Variants in TIAM2 observed in about 807,000 individuals in gnomAD.
TIAM2 encodes the protein TIAM Rac1 associated GEF 2.
In TIAM2, 80 loss-of-function variants were observed where a neutral mutation model predicts 152.9. The ratio of observed to expected loss-of-function variants is 0.52; its 90% CI spans 0.44 to 0.63. TIAM2 has a LOEUF of 0.63. TIAM2 is among the 30% of genes least tolerant of loss of function. The pLI is 0.00. For missense variants in TIAM2, 1,965 were observed against 2,120.1 expected (o/e 0.93, Z 1.44); for synonymous variants, 804 against 838.0 (o/e 0.96, Z 0.70).
At chr6:155,145,963 T>C (rs186272793) in intron 6 of TIAM2, among the ~76,000 whole-genome samples, 21 of 152,308 alleles carry the variant, frequency 1.4e-4, no homozygotes. Flanking sequence ...AAGTAATGAA[T>C]TTATGTTAGT....
At chr6:155,026,444 C>G (rs977488812) in intron 1 of TIAM2, among the ~76,000 whole-genome samples, 1 of 152,148 alleles carries the variant, frequency 6.6e-6, no homozygotes, top group African/African-American at 2.4e-5. Context: ...TAGACTGTTT[C>G]AACGCTAAGC....
At chr6:155,137,636 G>A (rs2115049458) in intron 5 of TIAM2, 24 bp downstream of exon 5, 1 of 1,528,928 alleles carries the variant, frequency 6.5e-7, no homozygotes, top group Non-Finnish European at 8.7e-7. Flanking sequence ...CACCTGCTGA[G>A]GCCACTGGGG....
At chr6:155,191,062 A>G (rs902967063) in intron 14 of TIAM2, among the ~76,000 whole-genome samples, 2 of 152,226 alleles carry the variant, frequency 1.3e-5, no homozygotes, top group Non-Finnish European at 2.9e-5. Context: ...CTGTATTGTG[A>G]CACTATCTTC....
intron 15 of TIAM2, among the ~76,000 whole-genome samples, chr6:155,216,384 AAAG>A (rs2115228136): frequency 6.6e-6 from 1 of 152,362 alleles, no homozygotes; most frequent in African/African-American, 2.4e-5. Context: ...ACATTAGAAT[AAAG>A]AATAATTTCC....
intron 5 of TIAM2, among the ~76,000 whole-genome samples, chr6:155,141,036 T>A (rs913738653): frequency 6.6e-6 from 1 of 152,200 alleles, no homozygotes; most frequent in South Asian, 2.1e-4. Context: ...AACTTCTGGC[T>A]ACCAACTTCA....
Position 155,040,643 on chromosome 6 carries a change from C to T in TIAM2, c.-209+45151C>T, listed in dbSNP as rs528285411. Among the ~76,000 whole-genome samples the T allele has an allele frequency of 2.4e-3, 365 of 152,140 alleles. 3 individuals are homozygous for T. The highest frequency in any genetic ancestry group is 8.3e-3 in the African/African-American group (346 of 41,484). ...ATGTGATTCTCGTGCCTCAGCCTCCCGGGTAGCTGGGACTACAGGTATGCG... is the reference window on the plus strand; with the variant it reads ...ATGTGATTCTCGTGCCTCAGCCTCCTGGGTAGCTGGGACTACAGGTATGCG... On this transcript the variant is annotated intron_variant, in intron 1 of 26. Coordinates refer to ENST00000682666, the MANE Select transcript of TIAM2 (RefSeq NM_012454.4).
Position 155,118,429 on chromosome 6 carries a change from CTTTTTCTTTTTT to C in TIAM2, c.-117-9055_-117-9044del, listed in dbSNP as rs796632443. On this transcript the variant is annotated intron_variant, in intron 2 of 26. Coordinates refer to ENST00000682666, the MANE Select transcript of TIAM2 (RefSeq NM_012454.4). ...ATTTTTCTTTTTTCTTTTTCTTTTT[CTTTTTCTTTTTT>C]TTTTTTTTTGAGACGGAGTCTTGCT... is the stretch of plus-strand genomic sequence containing the variant. 4.0e-3 allele frequency among the ~76,000 whole-genome samples: 532 copies of C among 132,360 alleles called. 3 individuals are homozygous for C. Among genetic ancestry groups the C allele is most frequent in the African/African-American group, 0.014 (469 of 34,334 alleles). The allele number at this position is 132,360 out of a possible 152,430, so 86.8% of individuals were successfully genotyped here. A position where few individuals can be genotyped will look rare whatever the true frequency, so the allele number is the denominator to read the frequency against.
At chr6:155,054,785 T>C (rs1219534334) in intron 1 of TIAM2, among the ~76,000 whole-genome samples, 2 of 152,092 alleles carry the variant, frequency 1.3e-5, no homozygotes, top group African/African-American at 4.8e-5. Context: ...AATAAAGTAC[T>C]TAAGGTTGTG....
Position 155,257,010 on chromosome 6 carries a change from T to G in TIAM2, c.4995T>G (p.Asn1665Lys). 6.2e-7 allele frequency: 1 copy of G among 1,614,166 alleles called. No individual in the cohort carries two copies. The highest frequency in any genetic ancestry group is 8.5e-7 in the Non-Finnish European group (1 of 1,180,026). The part of the protein sequence containing the change: ...RHQSLDSQSE[N>K]ATIDLNSVLE... ...AGTCCCTTGACAGTCAGTCTGAAAA[T>G]GCCACCATCGACCTAAATTCTGTTC... Residue 1665 changes from asparagine to lysine, a missense_variant, in exon 27 of 27, where the codon AAT (asparagine) becomes AAG (lysine). Asn to Lys is a moderately conservative substitution (Grantham distance 94). This residue lies in a region of TIAM2 where 935 missense variants were observed against 980.0 expected (regional missense o/e 0.95). Coordinates refer to ENST00000682666, the MANE Select transcript of TIAM2 (RefSeq NM_012454.4).
chr6:155,037,174 G>T (rs1222033302), intron 1 of TIAM2, among the ~76,000 whole-genome samples: 1 of 152,114 alleles, frequency 6.6e-6, no homozygotes, highest in Admixed American at 6.6e-5. Flanking sequence ...GCTTGTAAAT[G>T]TTCAATGTAG....
At chr6:155,014,936 G>C (rs775567112) in intron 1 of TIAM2, among the ~76,000 whole-genome samples, 2 of 152,138 alleles carry the variant, frequency 1.3e-5, no homozygotes, top group Non-Finnish European at 2.9e-5. Context: ...CAGGAGGCTG[G>C]AGAGGCAGAC....
chr6:155,217,206 G>A, intron 15 of TIAM2: 1 of 1,148,880 alleles, frequency 8.7e-7, no homozygotes, highest in Non-Finnish European at 1.1e-6. Context: ...AATGTCTAAA[G>A]ACTGATATGC....
chr6:155,050,506 C>G (rs1418971771), intron 1 of TIAM2, among the ~76,000 whole-genome samples: 3 of 152,282 alleles, frequency 2.0e-5, no homozygotes, highest in Non-Finnish European at 4.4e-5. Context: ...TGGATATAGA[C>G]TGAGACAATC....
chr6:154,997,087 C>T (rs553186574), intron 1 of TIAM2, among the ~76,000 whole-genome samples: 22 of 152,148 alleles, frequency 1.4e-4, no homozygotes, highest in Non-Finnish European at 2.4e-4. Context: ...GGCTCTCCCC[C>T]GCTTGCACAC....
chr6:155,221,121 TTTTTG>T (rs1191978333), intron 15 of TIAM2, among the ~76,000 whole-genome samples: 2 of 53,408 alleles, frequency 3.7e-5, no homozygotes, highest in Admixed American at 1.4e-4. Flanking sequence ...TTTTTTTTTT[TTTTTG>T]AAAAAAAAAA....
intron 2 of TIAM2, among the ~76,000 whole-genome samples, chr6:155,104,191 C>T (rs1364159317): frequency 1.3e-5 from 2 of 151,886 alleles, no homozygotes; most frequent in African/African-American, 2.4e-5. Context: ...CTTGTGCTGC[C>T]GCCTGTTGCT....
chr6:155,199,407 T>C (rs1781429976), intron 14 of TIAM2, among the ~76,000 whole-genome samples: 1 of 152,158 alleles, frequency 6.6e-6, no homozygotes, highest in Non-Finnish European at 1.5e-5. Context: ...ATCACCAGTA[T>C]AGGCCAATAG....
At chr6:155,142,154 G>A (rs1193396132) in intron 5 of TIAM2, among the ~76,000 whole-genome samples, 1 of 152,196 alleles carries the variant, frequency 6.6e-6, no homozygotes, top group Non-Finnish European at 1.5e-5. Flanking sequence ...ACTGACACGG[G>A]TGCAGCCCGT....
chr6:155,122,749 A>T (rs1779199410), intron 2 of TIAM2, among the ~76,000 whole-genome samples: 1 of 151,982 alleles, frequency 6.6e-6, no homozygotes, highest in Non-Finnish European at 1.5e-5. Context: ...TATACTTCAT[A>T]TCTCTTCCTG....
Sources: gnomAD v4.1 joint callset for allele counts (sites outside exome capture counted in the v4.1 genomes callset) on GRCh38, gnomAD v4.1.1 for gene constraint, gnomAD v4.1.1 regional missense constraint, MANE v1.5 for transcripts, NCBI Gene and HGNC (gene_info 2026-07-23, HGNC 2026-07-21) for gene names.